RNF175: variants seen among roughly 807,000 people sequenced by gnomAD.
RNF175 encodes ring finger protein 175.
Under a neutral mutation model 50.0 loss-of-function variants are expected in RNF175, and 38 were observed. That is an observed-to-expected ratio of 0.76 (90% CI 0.59 to 1.00). The LOEUF is 1.00. RNF175 is among the 50% of genes least tolerant of loss of function. The probability of loss-of-function intolerance (pLI) is 0.00; values close to 1 mark genes in which losing one functional copy is unlikely to be tolerated. For synonymous variants in RNF175, 155 were observed against 146.1 expected (o/e 1.06, Z -0.44); for missense variants, 388 against 409.6 (o/e 0.95, Z 0.46).
At chr4:153,730,551 T>C (rs2127127317) in intron 3 of RNF175, among the ~76,000 whole-genome samples, 1 of 152,350 alleles carries the variant, frequency 6.6e-6, no homozygotes, top group African/African-American at 2.4e-5. Context: ...ACTTAAAAGA[T>C]CATTACTTCT....
intron 3 of RNF175, among the ~76,000 whole-genome samples, chr4:153,743,143 G>A (rs17371021): frequency 0.18 from 26,879 of 152,168 alleles, 3,092 homozygotes; most frequent in Non-Finnish European, 0.25. Context: ...GTTCACCCAA[G>A]TATAAGAAAG....
intron 3 of RNF175, 48 bp downstream of exon 3, chr4:153,748,597 G>A: frequency 6.7e-7 from 1 of 1,490,232 alleles, no homozygotes; most frequent in South Asian, 1.3e-5. Flanking sequence ...AAACAGTCAA[G>A]CTGATACAAG....
chr4:153,740,256 G>A (rs572320669), intron 3 of RNF175, among the ~76,000 whole-genome samples: 2 of 151,580 alleles, frequency 1.3e-5, no homozygotes, highest in Admixed American at 6.6e-5. Flanking sequence ...CTTGGATGTT[G>A]TCTACTTTTT....
At chr4:153,719,937 A>T (rs1738225491) in intron 6 of RNF175, among the ~76,000 whole-genome samples, 2 of 152,240 alleles carry the variant, frequency 1.3e-5, no homozygotes, top group South Asian at 4.1e-4. Context: ...ATTTTAAAAG[A>T]TGCCTTATTG....
intron 1 of RNF175, among the ~76,000 whole-genome samples, chr4:153,759,010 T>C (rs562121129): frequency 6.6e-6 from 1 of 152,290 alleles, no homozygotes; most frequent in South Asian, 2.1e-4. Flanking sequence ...GAGTGATTTT[T>C]GTTGTTGTTT....
chr4:153,740,360 A>G (rs763368720), intron 3 of RNF175, among the ~76,000 whole-genome samples: 1 of 152,148 alleles, frequency 6.6e-6, no homozygotes, highest in African/African-American at 2.4e-5. Flanking sequence ...ATGAAGTACA[A>G]TGTGATGTTT....
At chr4:153,748,474 C>T (rs770558969) in intron 3 of RNF175, 171 bp downstream of exon 3, 2 of 545,144 alleles carry the variant, frequency 3.7e-6, no homozygotes, top group Non-Finnish European at 6.0e-6. Context: ...AAAATGTTTC[C>T]AGACATTGCC....
chr4:153,748,881 G>T, intron 2 of RNF175, 95 bp from the exon 3 acceptor site: 2 of 1,252,592 alleles, frequency 1.6e-6, no homozygotes, highest in South Asian at 1.6e-5. Flanking sequence ...ACAAAAAACA[G>T]GTTTGGCTTA....
At chr4:153,735,034 A>G (rs1739280487) in intron 3 of RNF175, among the ~76,000 whole-genome samples, 1 of 152,028 alleles carries the variant, frequency 6.6e-6, no homozygotes, top group Non-Finnish European at 1.5e-5. Context: ...AATCTATCTT[A>G]TTTATATTTT....
chr4:153,744,290 T>C (rs1331143461), intron 3 of RNF175, among the ~76,000 whole-genome samples: 1 of 151,994 alleles, frequency 6.6e-6, no homozygotes, highest in Non-Finnish European at 1.5e-5. Context: ...GGTGTGGTGG[T>C]GGGCGCCTGT....
chr4:153,751,652 CAAAA>C (rs996252578), intron 1 of RNF175, among the ~76,000 whole-genome samples, 177 bp from the exon 2 acceptor site: 2 of 151,954 alleles, frequency 1.3e-5, no homozygotes, highest in East Asian at 3.9e-4. Context: ...ACAACACAAA[CAAAA>C]AAAGAGTAAT....
At chr4:153,753,662 A>T (rs1336086763) in intron 1 of RNF175, among the ~76,000 whole-genome samples, 3 of 150,760 alleles carry the variant, frequency 2.0e-5, no homozygotes, top group Non-Finnish European at 3.0e-5. Context: ...GGTTCAAGCG[A>T]TTCTCCTGCC....
intron 1 of RNF175, among the ~76,000 whole-genome samples, chr4:153,754,261 G>A (rs77160739): frequency 3.9e-5 from 6 of 152,140 alleles, no homozygotes; most frequent in Non-Finnish European, 8.8e-5. Flanking sequence ...CACCCCAGGG[G>A]ACTGGCAGGT....
chr4:153,718,017 G>A (rs565479491), intron 6 of RNF175, among the ~76,000 whole-genome samples: 25 of 152,074 alleles, frequency 1.6e-4, no homozygotes, highest in South Asian at 6.2e-4. Flanking sequence ...ATTCAACCAC[G>A]CTCCTTCCCT....
At chr4:153,757,907 C>G (rs1266987161) in intron 1 of RNF175, among the ~76,000 whole-genome samples, 1 of 152,076 alleles carries the variant, frequency 6.6e-6, no homozygotes, top group Admixed American at 6.5e-5. Flanking sequence ...GGTCTTACAT[C>G]ATAAGATTGT....
chr4:153,746,401 C>T lies in RNF175; in HGVS notation c.246+2244G>A, dbSNP rs146724862. Among the ~76,000 whole-genome samples, 309 of 152,130 alleles carry T rather than the reference C, an allele frequency of 2.0e-3. 1 individual carries two copies. Among genetic ancestry groups the T allele is most frequent in the Middle Eastern group, 6.8e-3 (2 of 294 alleles). Reference sequence around the variant, plus strand: ...CCCCCATGGCTTTGCTAGGCTTAGCCCACACAACTCTCACAGGTTAGAATC... The same window carrying T: ...CCCCCATGGCTTTGCTAGGCTTAGCTCACACAACTCTCACAGGTTAGAATC... On this transcript the variant is annotated intron_variant, in intron 3 of 8. Coordinates refer to ENST00000347063, the MANE Select transcript of RNF175 (RefSeq NM_173662.4).
chr4:153,728,481 T>C (rs1738845455), intron 3 of RNF175, 120 bp from the exon 4 acceptor site: 2 of 750,588 alleles, frequency 2.7e-6, no homozygotes, highest in African/African-American at 1.8e-5. Context: ...GTCTGTACCA[T>C]GCAACTGGTT....
intron 8 of RNF175, among the ~76,000 whole-genome samples, chr4:153,712,152 TCATC>T (rs1737629299): frequency 6.6e-6 from 1 of 152,226 alleles, no homozygotes; most frequent in Admixed American, 6.5e-5. Flanking sequence ...ACTCATTTAT[TCATC>T]CATCCATCCA....
At chr4:153,734,665 C>CTTTTTTTTTTTTTTTTTTT (rs56211482) in intron 3 of RNF175, among the ~76,000 whole-genome samples, 3 of 73,182 alleles carry the variant, frequency 4.1e-5, no homozygotes, top group African/African-American at 1.7e-4. Context: ...TTTTTTTATT[C>CTTTTTTTTTTTTTTTTTTT]TTTTTTTTTT....
Sources: allele counts gnomAD v4.1 joint callset (sites outside exome capture counted in the v4.1 genomes callset), GRCh38; gene constraint gnomAD v4.1.1; transcripts MANE v1.5; gene names NCBI Gene and HGNC (gene_info 2026-07-23, HGNC 2026-07-21).